The following TOPBP1 variants were observed in gnomAD, a reference collection of about 807,000 sequenced individuals.
TOPBP1 encodes DNA topoisomerase II binding protein 1, also known as DNA topoisomerase 2-binding protein 1.
A neutral mutation model predicts 167.7 loss-of-function variants in TOPBP1; 28 were observed. That is an observed-to-expected ratio of 0.17 (90% confidence interval 0.12 to 0.23). The LOEUF (loss-of-function observed/expected upper bound fraction) is 0.23. TOPBP1 is among the 10% of genes least tolerant of loss of function. The pLI is 1.00. For missense variants in TOPBP1, 1,554 were observed against 1,809.6 expected (o/e 0.86, Z 2.56); for synonymous variants, 598 against 611.4 (o/e 0.98, Z 0.32).
intron 23 of TOPBP1, among the ~76,000 whole-genome samples, chr3:133,614,192 C>G (rs997724716): frequency 6.6e-6 from 1 of 152,086 alleles, no homozygotes; most frequent in Non-Finnish European, 1.5e-5. Context: ...TTATTTTATG[C>G]CAGGAACTAC....
intron 4 of TOPBP1, 64 bp from the exon 5 acceptor site, chr3:133,656,921 C>G: frequency 7.3e-7 from 1 of 1,362,914 alleles, no homozygotes; most frequent in South Asian, 1.9e-5. Context: ...CTTTTATACA[C>G]TATCTCATAA....
intron 7 of TOPBP1, among the ~76,000 whole-genome samples, chr3:133,653,016 G>A (rs566413969): frequency 6.6e-6 from 1 of 152,284 alleles, no homozygotes; most frequent in East Asian, 1.9e-4. Flanking sequence ...CAGCAAAACT[G>A]TAAATTAAGG....
At position 133,661,822 on chromosome 3, in the gene TOPBP1, A is replaced by AGGGCGGTGGCTGGGGTCGGGCGCCAGCC; in HGVS notation, c.-89_-62dup. ...GCGAGTCGGGGGACGCGCTGGCCGC[A>AGGGCGGTGGCTGGGGTCGGGCGCCAGCC]GGGCGGTGGCTGGGGTCGGGCGCCA... On this transcript the variant is annotated 5_prime_UTR_variant, in exon 1 of 28. Coordinates refer to ENST00000260810, the MANE Select transcript of TOPBP1 (RefSeq NM_007027.4). The AGGGCGGTGGCTGGGGTCGGGCGCCAGCC allele has an allele frequency of 6.6e-6, 1 of 151,832 alleles. No individual in the cohort carries two copies. Among genetic ancestry groups the AGGGCGGTGGCTGGGGTCGGGCGCCAGCC allele is most frequent in the Non-Finnish European group, 1.5e-5 (1 of 67,948 alleles). 9.4% of individuals were successfully genotyped at this position (151,832 alleles called of 1,614,324 possible). A position where few individuals can be genotyped will look rare whatever the true frequency, so the allele number is the denominator to read the frequency against.
intron 16 of TOPBP1, among the ~76,000 whole-genome samples, chr3:133,627,770 A>G (rs1286603208): frequency 6.6e-6 from 1 of 152,112 alleles, no homozygotes; most frequent in Admixed American, 6.6e-5. Flanking sequence ...TAGGTAAGAG[A>G]TTCTCAATTC....
intron 19 of TOPBP1, among the ~76,000 whole-genome samples, chr3:133,621,867 T>G (rs1189118182): frequency 6.6e-6 from 1 of 152,218 alleles, no homozygotes; most frequent in Non-Finnish European, 1.5e-5. Flanking sequence ...TTCACTGCAG[T>G]ACTATTTATA....
At chr3:133,611,213 A>G in intron 24 of TOPBP1, 72 bp from the exon 25 acceptor site, 1 of 1,375,050 alleles carries the variant, frequency 7.3e-7, no homozygotes, top group Non-Finnish European at 9.8e-7. Flanking sequence ...AGGGCTCCTC[A>G]AGGAGCCCAA....
rs144456092 is a variant in TOPBP1 at position 133,625,219 on chromosome 3, G to A, written c.2805-1044C>T. 1.4e-4 allele frequency among the ~76,000 whole-genome samples: 22 copies of A among 152,238 alleles called. No homozygotes were observed. In the East Asian group the frequency reaches 4.1e-3, roughly 28 times the overall value. On this transcript the variant is annotated intron_variant, in intron 16 of 27. Coordinates refer to ENST00000260810, the MANE Select transcript of TOPBP1 (RefSeq NM_007027.4). ...ACTTCAAGTGATCCACCCGCCTTGC[G>A]CTCCCAAAGTGCTGGGATTACACGC...
intron 22 of TOPBP1, 106 bp downstream of exon 22, chr3:133,617,054 T>A (rs1197878496): frequency 4.9e-6 from 7 of 1,415,014 alleles, no homozygotes. Context: ...ATGCAAAAAA[T>A]AGTTTTCAAC....
At chr3:133,608,996 T>C (rs1260958225) in intron 25 of TOPBP1, 34 bp from the exon 26 acceptor site, 2 of 1,529,972 alleles carry the variant, frequency 1.3e-6, no homozygotes, top group Non-Finnish European at 1.8e-6. Context: ...GTGAAATCAT[T>C]TGGAAAATAA....
chr3:133,622,544 A>G (rs1935128346), intron 19 of TOPBP1, among the ~76,000 whole-genome samples: 1 of 151,940 alleles, frequency 6.6e-6, no homozygotes, highest in Non-Finnish European at 1.5e-5. Flanking sequence ...TTACGGCTAT[A>G]TATGCATAAA....
chr3:133,601,504 T>G (rs893835030), intron 27 of TOPBP1, 111 bp from the exon 28 acceptor site: 9 of 901,778 alleles, frequency 1.0e-5, no homozygotes, highest in Middle Eastern at 7.4e-4. Flanking sequence ...TCTGACAAAC[T>G]TAAAGGAAAA....
chr3:133,610,886 G>A (rs1934651294), intron 25 of TOPBP1, 118 bp downstream of exon 25: 1 of 1,136,840 alleles, frequency 8.8e-7, no homozygotes, highest in Non-Finnish European at 1.2e-6. Flanking sequence ...TCAAAAATTT[G>A]GGGAAAAAAG....
chr3:133,602,999 G>T (rs1379108235), intron 27 of TOPBP1, among the ~76,000 whole-genome samples: 1 of 150,208 alleles, frequency 6.7e-6, no homozygotes, highest in East Asian at 2.0e-4. Flanking sequence ...AGGTTCAAGT[G>T]ATTCTCCTGC....
chr3:133,656,367 A>G (rs946740923), intron 5 of TOPBP1, among the ~76,000 whole-genome samples: 3 of 152,198 alleles, frequency 2.0e-5, no homozygotes, highest in Admixed American at 6.5e-5. Flanking sequence ...AGGATAATGC[A>G]ACATAAAAGC....
chr3:133,616,363 C>T (rs1934880265), intron 23 of TOPBP1, among the ~76,000 whole-genome samples: 2 of 152,084 alleles, frequency 1.3e-5, no homozygotes, highest in African/African-American at 4.8e-5. Flanking sequence ...CCCAGGTGAT[C>T]CGCCCACCTC....
chr3:133,653,393 T>C lies in TOPBP1; in HGVS notation c.874A>G (p.Thr292Ala). 6.2e-7 allele frequency: 1 copy of C among 1,612,212 alleles called. No homozygotes were observed. The highest frequency in any genetic ancestry group is 8.5e-7 in the Non-Finnish European group (1 of 1,179,420). ...YKTEPRPEAK[T>A]MPNSSTPTSQ... ...GTAGGAGTTGAAGAATTGGGCATAGTCTTTGCTTCTGGTCTAGGTTCTGTC... is the reference window on the plus strand; with the variant it reads ...GTAGGAGTTGAAGAATTGGGCATAGCCTTTGCTTCTGGTCTAGGTTCTGTC... Residue 292 changes from threonine to alanine, a missense_variant, in exon 7 of 28, where the codon ACT (threonine) becomes GCT (alanine). Thr to Ala is a moderately conservative substitution (Grantham distance 58). Coordinates refer to ENST00000260810, the MANE Select transcript of TOPBP1 (RefSeq NM_007027.4).
chr3:133,612,718 ATATG>A (rs1934721642), intron 23 of TOPBP1, among the ~76,000 whole-genome samples, 166 bp from the exon 24 acceptor site: 2 of 152,196 alleles, frequency 1.3e-5, no homozygotes, highest in South Asian at 2.1e-4. Flanking sequence ...ATACATATAT[ATATG>A]TATTAAAATG....
chr3:133,608,253 G>A (rs1934554825), intron 27 of TOPBP1, among the ~76,000 whole-genome samples: 1 of 152,088 alleles, frequency 6.6e-6, no homozygotes, highest in Admixed American at 6.6e-5. Flanking sequence ...ATCGATTTCT[G>A]CTTTATATTC....
At position 133,657,959 on chromosome 3, in the gene TOPBP1, G is replaced by C. The variant is rs1433842972; in HGVS notation, c.220-18C>G. On this transcript the variant is annotated intron_variant, in intron 3 of 27. Transcript: ENST00000260810. ...CAGCCAAGCTACAAAAAAGAGAAAA[G>C]TTTAAATGAGTTAAGAAGGAAAAGA... is the stretch of plus-strand genomic sequence containing the variant. 3.3e-6 allele frequency: 5 copies of C among 1,521,702 alleles called. No homozygotes were observed. The highest frequency in any genetic ancestry group is 4.4e-6 in the Non-Finnish European group (5 of 1,140,636). 94.3% of individuals were successfully genotyped at this position (1,521,702 alleles called of 1,614,324 possible).
Sources: allele counts gnomAD v4.1 joint callset (sites outside exome capture counted in the v4.1 genomes callset), GRCh38; gene constraint gnomAD v4.1.1; transcripts MANE v1.5; gene names NCBI Gene and HGNC (gene_info 2026-07-23, HGNC 2026-07-21).